Variants in RASA3 observed in about 807,000 individuals in gnomAD.
RASA3 encodes ras GTPase-activating protein 3.
In RASA3, 73 loss-of-function variants were observed where a neutral mutation model predicts 110.0. The observed-to-expected ratio is 0.66, with a 90% confidence interval of 0.55 to 0.81. The LOEUF is 0.81. RASA3 is among the 30% of genes least tolerant of loss of function. The pLI is 0.00. For missense variants in RASA3, 976 were observed against 1,113.2 expected (o/e 0.88, Z 1.75); for synonymous variants, 500 against 451.4 (o/e 1.11, Z -1.37).
intron 2 of RASA3, among the ~76,000 whole-genome samples, chr13:114,071,959 C>G (rs58542592): frequency 6.6e-6 from 1 of 152,206 alleles, no homozygotes; most frequent in Non-Finnish European, 1.5e-5. Flanking sequence ...TCAAAGCACA[C>G]GACCCATGCT....
At position 114,114,810 on chromosome 13, in the gene RASA3, A is replaced by T. The variant is rs2080257266; in HGVS notation, c.55+17625T>A. On this transcript the variant is annotated intron_variant, in intron 1 of 23. Coordinates refer to ENST00000334062, the MANE Select transcript of RASA3 (RefSeq NM_007368.4). This position sits in a 1 kb window ranked among gnomAD's most constrained non-coding sequence, Gnocchi z 4.8. ...TTTTCAACCACCCGCCCTCATGTGC[A>T]GGGACAGGGCAGAGTCGTGACCAAC... 6.6e-6 allele frequency among the ~76,000 whole-genome samples: 1 copy of T among 152,206 alleles called. No homozygotes were observed. Among genetic ancestry groups the T allele is most frequent in the African/African-American group, 2.4e-5 (1 of 41,454 alleles).
At chr13:114,124,647 C>T (rs1021468653) in intron 1 of RASA3, among the ~76,000 whole-genome samples, 2 of 152,256 alleles carry the variant, frequency 1.3e-5, no homozygotes, top group Admixed American at 6.5e-5. Flanking sequence ...AGCCCCAAAA[C>T]CTGTCAGGGG....
chr13:114,054,758 G>A (rs1032934309), intron 2 of RASA3, among the ~76,000 whole-genome samples: 1 of 152,246 alleles, frequency 6.6e-6, no homozygotes, highest in Non-Finnish European at 1.5e-5. Flanking sequence ...AGAATGCTCA[G>A]GGACTTCCAC....
chr13:114,064,067 A>G (rs2079405730), intron 2 of RASA3, among the ~76,000 whole-genome samples: 1 of 152,232 alleles, frequency 6.6e-6, no homozygotes, highest in African/African-American at 2.4e-5. Flanking sequence ...ATATTATTTC[A>G]CAACATTTAA....
intron 19 of RASA3, 61 bp from the exon 20 acceptor site, chr13:113,999,728 G>A (rs2053339539): frequency 5.6e-6 from 8 of 1,419,186 alleles, no homozygotes; most frequent in Non-Finnish European, 6.9e-6. Flanking sequence ...GGGTCCGGGT[G>A]GGGCTGAGGG....
rs774234562 is a variant in RASA3, at chr13:114,065,669, C to T, written c.173+8051G>A. ...CCGCAGGCTGGAGAATGGGGGTCCG[C>T]GGTCAGCTCATAGCCCACCCGCCAC... On this transcript the variant is annotated intron_variant, in intron 2 of 23. Transcript: ENST00000334062. The surrounding 1 kb of genome is among the most constrained non-coding windows in gnomAD (Gnocchi z 4.1). 6.6e-6 allele frequency among the ~76,000 whole-genome samples: 1 copy of T among 151,554 alleles called. No homozygotes were observed. Among genetic ancestry groups the T allele is most frequent in the Non-Finnish European group, 1.5e-5 (1 of 67,810 alleles).
intron 4 of RASA3, among the ~76,000 whole-genome samples, 155 bp downstream of exon 4, chr13:114,040,845 G>C (rs2054389151): frequency 6.6e-6 from 1 of 152,168 alleles, no homozygotes; most frequent in African/African-American, 2.4e-5. Context: ...CGCTCACTCC[G>C]AGCACAAGTG....
intron 1 of RASA3, among the ~76,000 whole-genome samples, chr13:114,080,269 C>G (rs2079761760): frequency 6.6e-6 from 1 of 152,210 alleles, no homozygotes; most frequent in Admixed American, 6.5e-5. Context: ...CCCCCCAATC[C>G]TCCTGGCCGG....
intron 3 of RASA3, among the ~76,000 whole-genome samples, chr13:114,051,843 A>G (rs1295033042): frequency 6.6e-6 from 1 of 152,170 alleles, no homozygotes; most frequent in East Asian, 1.9e-4. Context: ...GTGCTCACTG[A>G]CCTGAGCCTG....
At chr13:114,131,708 ACACACGCACACATG>A (rs2080522341) in intron 1 of RASA3, among the ~76,000 whole-genome samples, 1 of 152,222 alleles carries the variant, frequency 6.6e-6, no homozygotes, top group Admixed American at 6.5e-5. Context: ...CCCCACCAGC[ACACACGCACACATG>A]CACACACACA....
chr13:114,068,212 C>T (rs1181065515), intron 2 of RASA3, among the ~76,000 whole-genome samples: 1 of 152,222 alleles, frequency 6.6e-6, no homozygotes. Flanking sequence ...GGAGCAACTC[C>T]ACAGAAAGGG....
chr13:114,103,297 G>A (rs1319924826), intron 1 of RASA3, among the ~76,000 whole-genome samples: 1 of 152,154 alleles, frequency 6.6e-6, no homozygotes, highest in African/African-American at 2.4e-5. Flanking sequence ...GCACAGTGAA[G>A]GCTGCCCTGG....
chr13:114,002,805 G>A (rs1054200296), intron 18 of RASA3, among the ~76,000 whole-genome samples: 2 of 152,198 alleles, frequency 1.3e-5, no homozygotes, highest in African/African-American at 2.4e-5. Context: ...GGCCCATCGC[G>A]CGTGTGGGAC....
chr13:114,064,843 G>T (rs2079418955), intron 2 of RASA3, among the ~76,000 whole-genome samples: 1 of 152,230 alleles, frequency 6.6e-6, no homozygotes, highest in Non-Finnish European at 1.5e-5. Flanking sequence ...CTCACCGCCC[G>T]AGGGCTCTGG....
intron 3 of RASA3, among the ~76,000 whole-genome samples, chr13:114,047,908 G>A (rs1404807035): frequency 6.6e-6 from 1 of 152,206 alleles, no homozygotes; most frequent in Non-Finnish European, 1.5e-5. Flanking sequence ...CCGGGCTGTG[G>A]GAACATATCT....
At position 114,096,633 on chromosome 13, in the gene RASA3, C is replaced by T. The variant is rs894564822; in HGVS notation, c.56-22796G>A. Among the ~76,000 whole-genome samples the T allele has an allele frequency of 6.6e-5, 10 of 152,154 alleles. No individual in the cohort carries two copies. Among genetic ancestry groups the T allele is most frequent in the African/African-American group, 2.2e-4 (9 of 41,432 alleles). On this transcript the variant is annotated intron_variant, in intron 1 of 23. Coordinates refer to ENST00000334062, the MANE Select transcript of RASA3 (RefSeq NM_007368.4). The surrounding 1 kb of genome is among the most constrained non-coding windows in gnomAD (Gnocchi z 5.1). ...TCCTTTCCAGCCAAATGACCCATTT[C>T]CCAAACGCCTTCCCTTTCCATTCTC...
intron 5 of RASA3, 103 bp downstream of exon 5, chr13:114,029,708 C>G: frequency 8.5e-7 from 1 of 1,178,182 alleles, no homozygotes; most frequent in South Asian, 1.3e-5. Context: ...CAGCCACCGG[C>G]TCTGGAAATT....
At chr13:114,043,837 G>GCTCC (rs1555334473) in intron 3 of RASA3, among the ~76,000 whole-genome samples, 1 of 22,826 alleles carries the variant, frequency 4.4e-5, no homozygotes, top group Non-Finnish European at 7.1e-5. Context: ...CACTCGCTGA[G>GCTCC]CCCCCCGCCC....
chr13:114,061,676 CAAAAA>C (rs397963864), intron 2 of RASA3, among the ~76,000 whole-genome samples: 1 of 96,292 alleles, frequency 1.0e-5, no homozygotes. Flanking sequence ...GACTCTGTCT[CAAAAA>C]AAAAAAAAAA....
Sources: allele counts gnomAD v4.1 joint callset (sites outside exome capture counted in the v4.1 genomes callset), GRCh38; gene constraint gnomAD v4.1.1; non-coding constraint Gnocchi (gnomAD v3.1); transcripts MANE v1.5; gene names NCBI Gene and HGNC (gene_info 2026-07-23, HGNC 2026-07-21).